The following SH3RF3 variants were observed in gnomAD, a reference collection of about 807,000 sequenced individuals.
SH3RF3 encodes E3 ubiquitin-protein ligase SH3RF3.
SH3RF3 carries 29 observed loss-of-function variants against 66.3 expected under a neutral mutation model. That is an observed-to-expected ratio of 0.44 (90% CI 0.33 to 0.60). SH3RF3 has a LOEUF of 0.60. Ranked by LOEUF, SH3RF3 falls within the 20% of genes least tolerant of loss-of-function variation. The pLI, the probability that SH3RF3 is intolerant of heterozygous loss-of-function variation, is 0.04. For synonymous variants in SH3RF3, 583 were observed against 532.0 expected (o/e 1.10, Z -1.32); for missense variants, 1,194 against 1,190.9 (o/e 1.00, Z -0.04).
intron 1 of SH3RF3, among the ~76,000 whole-genome samples, chr2:109,334,551 C>G (rs1682362786): frequency 1.3e-5 from 2 of 152,074 alleles, no homozygotes; most frequent in Admixed American, 1.3e-4. Flanking sequence ...AGCAGGGGAA[C>G]CCTCACCCGC....
chr2:109,339,007 A>G (rs1682494698), intron 1 of SH3RF3, among the ~76,000 whole-genome samples: 2 of 152,214 alleles, frequency 1.3e-5, no homozygotes, highest in Admixed American at 6.5e-5. Flanking sequence ...AGAAATTGTT[A>G]TTTAAAAAAT....
intron 8 of SH3RF3, among the ~76,000 whole-genome samples, chr2:109,461,791 G>A (rs143853176): frequency 2.3e-4 from 35 of 152,358 alleles, no homozygotes; most frequent in Middle Eastern, 3.4e-3. Context: ...ATCTTTCACA[G>A]CAGCCTGGAC....
At chr2:109,210,578 T>C (rs1678949746) in intron 1 of SH3RF3, among the ~76,000 whole-genome samples, 1 of 152,130 alleles carries the variant, frequency 6.6e-6, no homozygotes, top group Non-Finnish European at 1.5e-5. Context: ...CCTAAGCAGG[T>C]GGCTCTGCAG....
chr2:109,470,230 C>A (rs1678467070), intron 8 of SH3RF3, among the ~76,000 whole-genome samples: 1 of 152,194 alleles, frequency 6.6e-6, no homozygotes, highest in Non-Finnish European at 1.5e-5. Flanking sequence ...TTTGGAATGA[C>A]TTATTTCCTC....
intron 1 of SH3RF3, among the ~76,000 whole-genome samples, chr2:109,247,693 A>G (rs923570938): frequency 6.6e-6 from 1 of 152,218 alleles, no homozygotes; most frequent in African/African-American, 2.4e-5. Flanking sequence ...GTGAAGGAGA[A>G]CATCTTCTAT....
chr2:109,143,114 AC>A (rs1320198492), intron 1 of SH3RF3, among the ~76,000 whole-genome samples: 1 of 152,166 alleles, frequency 6.6e-6, no homozygotes. Flanking sequence ...CCACAAGGTA[AC>A]CTCAGGAGGA....
chr2:109,454,871 C>T (rs999027465), intron 8 of SH3RF3, among the ~76,000 whole-genome samples: 1 of 152,074 alleles, frequency 6.6e-6, no homozygotes, highest in African/African-American at 2.4e-5. Flanking sequence ...GGAAAAACTG[C>T]TGCCAGTAAG....
chr2:109,394,518 A>G (rs1430247486), intron 3 of SH3RF3, among the ~76,000 whole-genome samples: 1 of 152,248 alleles, frequency 6.6e-6, no homozygotes, highest in African/African-American at 2.4e-5. Flanking sequence ...AGCAGTCCTC[A>G]TGATGAATGG....
At chr2:109,340,820 C>G (rs1181635712) in intron 1 of SH3RF3, among the ~76,000 whole-genome samples, 1 of 152,158 alleles carries the variant, frequency 6.6e-6, no homozygotes, top group Non-Finnish European at 1.5e-5. Context: ...AAGGTGCATT[C>G]TAAGGCCACC....
At chr2:109,293,808 G>A (rs1292727437) in intron 1 of SH3RF3, among the ~76,000 whole-genome samples, 1 of 152,236 alleles carries the variant, frequency 6.6e-6, no homozygotes, top group Non-Finnish European at 1.5e-5. Context: ...TTTTGTTACA[G>A]ATCAGGAGTC....
In SH3RF3 at chr2:109,202,528, A is replaced by G. The variant is rs558297549; in HGVS notation, c.573+72415A>G. Among the ~76,000 whole-genome samples the G allele has an allele frequency of 2.1e-3, 315 of 152,362 alleles. 1 individual carries two copies. Among genetic ancestry groups the G allele is most frequent in the African/African-American group, 7.0e-3 (292 of 41,586 alleles). ...ATGTCTGGGTAGCTGGTGGGTGGTC[A>G]GCATGGCTGCTTTCTCCTTCCCCTC... On this transcript the variant is annotated intron_variant, in intron 1 of 9. Coordinates refer to ENST00000309415, the MANE Select transcript of SH3RF3 (RefSeq NM_001099289.3).
intron 1 of SH3RF3, among the ~76,000 whole-genome samples, chr2:109,316,835 G>T (rs192328422): frequency 6.6e-6 from 1 of 152,328 alleles, no homozygotes; most frequent in African/African-American, 2.4e-5. Flanking sequence ...TCTGGCTGCC[G>T]TGGGTCTTTG....
In SH3RF3 at chr2:109,151,671, C is replaced by T. The variant is rs759743598; in HGVS notation, c.573+21558C>T. On this transcript the variant is annotated intron_variant, in intron 1 of 9. Coordinates refer to ENST00000309415, the MANE Select transcript of SH3RF3 (RefSeq NM_001099289.3). Reference sequence around the variant, plus strand: ...GCAGTACATCTGAGGTCACACTTCCCGGTTTCCAGGGCCCAGTAGGCATGT... The same window carrying T: ...GCAGTACATCTGAGGTCACACTTCCTGGTTTCCAGGGCCCAGTAGGCATGT... Among the ~76,000 whole-genome samples the T allele has an allele frequency of 5.9e-5, 9 of 152,326 alleles. No homozygotes were observed. In the South Asian group the frequency reaches 8.3e-4, roughly 14 times the overall value.
chr2:109,251,859 G>A (rs986214389), intron 1 of SH3RF3, among the ~76,000 whole-genome samples: 1 of 152,064 alleles, frequency 6.6e-6, no homozygotes, highest in African/African-American at 2.4e-5. Flanking sequence ...AGTACATAAT[G>A]AGTTTTAAGA....
intron 1 of SH3RF3, among the ~76,000 whole-genome samples, chr2:109,194,114 T>C (rs1220062037): frequency 6.6e-6 from 1 of 152,238 alleles, no homozygotes; most frequent in Non-Finnish European, 1.5e-5. Context: ...GCTGGATGCA[T>C]GGGCAGTTGC....
At chr2:109,153,749 G>T (rs1346467019) in intron 1 of SH3RF3, among the ~76,000 whole-genome samples, 1 of 152,202 alleles carries the variant, frequency 6.6e-6, no homozygotes, top group Non-Finnish European at 1.5e-5. Flanking sequence ...CTGGGTTCTG[G>T]TGCATTTTGG....
At chr2:109,218,290 G>T (rs1033148505) in intron 1 of SH3RF3, among the ~76,000 whole-genome samples, 6 of 152,084 alleles carry the variant, frequency 3.9e-5, no homozygotes, top group Non-Finnish European at 8.8e-5. Context: ...TGGCTCTCTT[G>T]CCCCCGTTTT....
intron 3 of SH3RF3, among the ~76,000 whole-genome samples, chr2:109,375,832 T>C (rs1306492152): frequency 1.3e-5 from 2 of 152,200 alleles, no homozygotes; most frequent in African/African-American, 4.8e-5. Flanking sequence ...CCATTCCTCA[T>C]AGGCCCTGAT....
chr2:109,279,092 T>A (rs1680824603), intron 1 of SH3RF3, among the ~76,000 whole-genome samples: 1 of 152,182 alleles, frequency 6.6e-6, no homozygotes, highest in South Asian at 2.1e-4. Flanking sequence ...CTGTGCCCAT[T>A]AATTTTATGG....
Sources: gnomAD v4.1 joint callset for allele counts (sites outside exome capture counted in the v4.1 genomes callset) on GRCh38, gnomAD v4.1.1 for gene constraint, MANE v1.5 for transcripts, NCBI Gene and HGNC (gene_info 2026-07-23, HGNC 2026-07-21) for gene names.